SLC9A9: variants seen among roughly 807,000 people sequenced by gnomAD.
SLC9A9 encodes the protein sodium/hydrogen exchanger 9.
A neutral mutation model predicts 77.8 loss-of-function variants in SLC9A9; 62 were observed. That is an observed-to-expected ratio of 0.80 (90% confidence interval 0.65 to 0.98). The LOEUF is 0.98. Among genes scored for constraint, SLC9A9 ranks in the 50% least tolerant of loss-of-function variants. SLC9A9 has a pLI of 0.00. For missense variants in SLC9A9, 775 were observed against 774.9 expected (o/e 1.00, Z 0.00); for synonymous variants, 320 against 283.5 (o/e 1.13, Z -1.29).
At chr3:143,431,127 G>A (rs2034505374) in intron 12 of SLC9A9, among the ~76,000 whole-genome samples, 1 of 152,036 alleles carries the variant, frequency 6.6e-6, no homozygotes, top group Non-Finnish European at 1.5e-5. Flanking sequence ...TGGTACTCAA[G>A]GCCTTTCACA....
intron 4 of SLC9A9, among the ~76,000 whole-genome samples, chr3:143,735,812 T>C (rs1396676024): frequency 6.6e-6 from 1 of 152,210 alleles, no homozygotes; most frequent in African/African-American, 2.4e-5. Context: ...AATAGAGACA[T>C]GAGTTCAAGT....
chr3:143,417,191 C>A (rs184547189), intron 12 of SLC9A9, among the ~76,000 whole-genome samples: 1 of 152,050 alleles, frequency 6.6e-6, no homozygotes, highest in South Asian at 2.1e-4. Flanking sequence ...GGAGAATGGG[C>A]GAGTCTTCTA....
At chr3:143,407,883 C>T (rs545635086) in intron 12 of SLC9A9, among the ~76,000 whole-genome samples, 4 of 152,134 alleles carry the variant, frequency 2.6e-5, no homozygotes, top group Admixed American at 6.5e-5. Flanking sequence ...CTTGAGCTAC[C>T]GTAACAAATT....
chr3:143,808,785 C>A (rs1440710658), intron 2 of SLC9A9, among the ~76,000 whole-genome samples: 1 of 151,950 alleles, frequency 6.6e-6, no homozygotes, highest in Non-Finnish European at 1.5e-5. Context: ...TAGTGTGGTA[C>A]CTAATTCTAA....
intron 8 of SLC9A9, among the ~76,000 whole-genome samples, chr3:143,567,590 CA>C (rs2037188187): frequency 6.6e-6 from 1 of 152,152 alleles, no homozygotes; most frequent in Admixed American, 6.6e-5. Flanking sequence ...CACTTGTTTC[CA>C]TAAAACCAAG....
intron 14 of SLC9A9, among the ~76,000 whole-genome samples, chr3:143,283,510 C>T (rs1348186380): frequency 6.6e-6 from 1 of 152,228 alleles, no homozygotes; most frequent in African/African-American, 2.4e-5. Context: ...AAGCTGCTCT[C>T]CTGAGACTGG....
chr3:143,627,825 T>C (rs1395279169), intron 6 of SLC9A9: 1 of 152,212 alleles, frequency 6.6e-6, no homozygotes, highest in African/African-American at 2.4e-5. Flanking sequence ...TTCTGAGGAA[T>C]TACAAGTGAA....
intron 8 of SLC9A9, among the ~76,000 whole-genome samples, chr3:143,571,352 TATC>T (rs1476227614): frequency 6.6e-6 from 1 of 152,210 alleles, no homozygotes; most frequent in African/African-American, 2.4e-5. Flanking sequence ...TTTAGATTTG[TATC>T]ATATTAGTTT....
At chr3:143,352,233 T>A (rs16853469) in intron 14 of SLC9A9, among the ~76,000 whole-genome samples, 18,747 of 152,226 alleles carry the variant, frequency 0.12, 1,269 homozygotes, top group East Asian at 0.17. Context: ...TAGCGAGGGA[T>A]GTGGGAAGAA....
chr3:143,396,354 C>G (rs977223555), intron 12 of SLC9A9, among the ~76,000 whole-genome samples: 3 of 148,514 alleles, frequency 2.0e-5, no homozygotes, highest in Admixed American at 2.0e-4. Flanking sequence ...GGATAAAAAA[C>G]CAAACACCGC....
intron 9 of SLC9A9, among the ~76,000 whole-genome samples, chr3:143,506,322 A>C (rs560552423): frequency 6.6e-6 from 1 of 152,202 alleles, no homozygotes; most frequent in Non-Finnish European, 1.5e-5. Flanking sequence ...AACATTGCCA[A>C]AGGCAGAAAC....
intron 8 of SLC9A9, among the ~76,000 whole-genome samples, chr3:143,572,024 G>A (rs1227249422): frequency 1.3e-5 from 2 of 152,074 alleles, no homozygotes; most frequent in Non-Finnish European, 1.5e-5. Flanking sequence ...TCTGCCCCTC[G>A]GTACAGCCAT....
intron 5 of SLC9A9, 70 bp from the exon 6 acceptor site, chr3:143,652,430 C>G (rs575422774): frequency 5.3e-6 from 6 of 1,135,282 alleles, no homozygotes; most frequent in South Asian, 3.9e-5. Flanking sequence ...GCTATGGTCA[C>G]CACTCAAAAA....
chr3:143,677,971 C>T (rs148234309), intron 5 of SLC9A9, among the ~76,000 whole-genome samples: 1,683 of 152,138 alleles, frequency 0.011, 31 homozygotes, highest in African/African-American at 0.038. Flanking sequence ...GGACTACAGG[C>T]GCCTGCCACC....
intron 14 of SLC9A9, among the ~76,000 whole-genome samples, chr3:143,311,580 A>C (rs1360209628): frequency 3.9e-5 from 6 of 152,344 alleles, no homozygotes; most frequent in East Asian, 1.9e-4. Flanking sequence ...TTACAGAACA[A>C]AACAGCAGTA....
At chr3:143,778,004 C>T (rs996648753) in intron 4 of SLC9A9, among the ~76,000 whole-genome samples, 40 of 119,856 alleles carry the variant, frequency 3.3e-4, no homozygotes, top group South Asian at 1.3e-3. Context: ...TGAGCCACCA[C>T]GCCCGGCCCG....
chr3:143,345,980 G>A (rs547408183), intron 14 of SLC9A9, among the ~76,000 whole-genome samples: 2 of 152,038 alleles, frequency 1.3e-5, no homozygotes, highest in African/African-American at 4.8e-5. Context: ...TATAGAAGGA[G>A]GAAAATAAAT....
intron 4 of SLC9A9, among the ~76,000 whole-genome samples, chr3:143,710,095 G>A (rs1378994390): frequency 6.6e-6 from 1 of 152,152 alleles, no homozygotes; most frequent in Admixed American, 6.5e-5. Flanking sequence ...TCTTTGCTTT[G>A]GGATGAATTG....
rs1559846062 is a variant in SLC9A9 at position 143,268,951 on chromosome 3, CCAGAG to C, written c.1629_1633del (p.His543GlnfsTer10). 1.9e-6 allele frequency: 3 copies of C among 1,613,482 alleles called. No homozygotes were observed. The highest frequency in any genetic ancestry group is 2.5e-6 in the Non-Finnish European group (3 of 1,179,712). On this transcript the variant is annotated frameshift_variant, in exon 15 of 16. Coordinates refer to ENST00000316549, the MANE Select transcript of SLC9A9 (RefSeq NM_173653.4). LOFTEE classifies it high-confidence loss of function. ...AGGTAATGTTGTAGTCAGCGGAGGA[CCAGAG>C]TGGGTTAAAATTGGTTTCAGATACC...
Sources: allele counts gnomAD v4.1 joint callset (sites outside exome capture counted in the v4.1 genomes callset), GRCh38; gene constraint gnomAD v4.1.1; transcripts MANE v1.5; gene names NCBI Gene and HGNC (gene_info 2026-07-23, HGNC 2026-07-21).